Variants in CAMK1G observed in about 807,000 individuals in gnomAD.
CAMK1G encodes calcium/calmodulin-dependent protein kinase type 1G.
A neutral mutation model predicts 54.8 loss-of-function variants in CAMK1G; 27 were observed. That is an observed-to-expected ratio of 0.49 (90% CI 0.36 to 0.68). CAMK1G has a LOEUF of 0.68. CAMK1G is among the 30% of genes least tolerant of loss of function. CAMK1G has a pLI of 0.00. For synonymous variants in CAMK1G, 238 were observed against 224.9 expected (o/e 1.06, Z -0.52); for missense variants, 512 against 591.0 (o/e 0.87, Z 1.39).
At chr1:209,607,961 T>A in intron 7 of CAMK1G, 28 bp downstream of exon 7, 1 of 1,569,588 alleles carries the variant, frequency 6.4e-7, no homozygotes, top group Non-Finnish European at 8.7e-7. Flanking sequence ...TGGGTTCAGC[T>A]GATGAGAAGT....
At chr1:209,594,583 C>G (rs182244621) in intron 1 of CAMK1G, among the ~76,000 whole-genome samples, 48 of 152,252 alleles carry the variant, frequency 3.2e-4, no homozygotes, top group Middle Eastern at 6.8e-3. Flanking sequence ...AGAGAGGAAG[C>G]CTGGCTGACT....
chr1:209,593,099 C>A (rs1665297477), intron 1 of CAMK1G, among the ~76,000 whole-genome samples: 1 of 152,246 alleles, frequency 6.6e-6, no homozygotes, highest in African/African-American at 2.4e-5. Context: ...TTTGTCCCCA[C>A]TTTACAGATA....
intron 1 of CAMK1G, among the ~76,000 whole-genome samples, chr1:209,584,639 C>T (rs997812812): frequency 6.6e-6 from 1 of 152,184 alleles, no homozygotes; most frequent in African/African-American, 2.4e-5. Context: ...GCTGCCAGGG[C>T]TCACGCTGGT....
chr1:209,584,280 G>A (rs982795902), intron 1 of CAMK1G, among the ~76,000 whole-genome samples: 5 of 152,122 alleles, frequency 3.3e-5, no homozygotes, highest in African/African-American at 1.2e-4. Flanking sequence ...AGAACCAATG[G>A]CAAAAAGATT....
At chr1:209,608,902 G>A (rs1665713930) in intron 7 of CAMK1G, 78 bp from the exon 8 acceptor site, 2 of 1,587,306 alleles carry the variant, frequency 1.3e-6, no homozygotes, top group Non-Finnish European at 1.7e-6. Flanking sequence ...TATACAGTGG[G>A]AGCTTGGGGG....
At chr1:209,604,576 G>T (rs1277135675) in intron 4 of CAMK1G, among the ~76,000 whole-genome samples, 3 of 152,320 alleles carry the variant, frequency 2.0e-5, no homozygotes, top group Middle Eastern at 3.4e-3. Context: ...CTCATCACTA[G>T]TTGGGCATGG....
chr1:209,608,614 A>G (rs920877623), intron 7 of CAMK1G, among the ~76,000 whole-genome samples: 2 of 152,236 alleles, frequency 1.3e-5, no homozygotes, highest in African/African-American at 4.8e-5. Flanking sequence ...CGCAGTGAAC[A>G]ACACAGCCTA....
At chr1:209,594,834 C>CT in intron 1 of CAMK1G, 121 bp from the exon 2 acceptor site, 1 of 610,290 alleles carries the variant, frequency 1.6e-6, no homozygotes, top group Non-Finnish European at 2.8e-6. Flanking sequence ...AGGTTTGCTC[C>CT]TAATCCTTCC....
intron 3 of CAMK1G, among the ~76,000 whole-genome samples, 190 bp downstream of exon 3, chr1:209,600,301 T>G (rs1381918076): frequency 6.6e-6 from 1 of 151,856 alleles, no homozygotes; most frequent in Admixed American, 6.6e-5. Flanking sequence ...TTTTTTTTTT[T>G]GGCAACAAAT....
chr1:209,612,840 C>T lies in CAMK1G; in HGVS notation c.1396C>T (p.Arg466Trp), dbSNP rs759097752. Residue 466 changes from arginine (R) to tryptophan (W), a missense_variant, in exon 12 of 13, where the codon CGG becomes TGG. By Grantham distance (101) the Arg-to-Trp change is moderately radical. Around this residue, in one of 3 missense-constraint regions of CAMK1G, gnomAD observed 315 missense variants for 330.5 expected, o/e 0.95. Transcript: ENST00000361322. ...TAAAGCCAGTGGCAGCTCCCACTGCCGGGCAGGGCAGACTGGAGTCTGTCT... is the reference window on the plus strand; with the variant it reads ...TAAAGCCAGTGGCAGCTCCCACTGCTGGGCAGGGCAGACTGGAGTCTGTCT... ...PVKASGSSHCRAGQTGVCLIM is the reference protein window; with the variant it reads ...PVKASGSSHCWAGQTGVCLIM 14 of 1,613,702 alleles carry T rather than the reference C, an allele frequency of 8.7e-6. No individual in the cohort carries two copies. Among genetic ancestry groups the T allele is most frequent in the South Asian group, 2.2e-5 (2 of 91,066 alleles).
chr1:209,590,260 C>T (rs1233323236), intron 1 of CAMK1G, among the ~76,000 whole-genome samples: 1 of 152,114 alleles, frequency 6.6e-6, no homozygotes, highest in African/African-American at 2.4e-5. Context: ...AGGATGCAGC[C>T]ATGGAAGGAA....
At chr1:209,611,641 A>C (rs529943285) in intron 10 of CAMK1G, 89 bp downstream of exon 10, 26 of 1,481,076 alleles carry the variant, frequency 1.8e-5, no homozygotes, top group Admixed American at 3.6e-5. Context: ...TTTCCTTGGG[A>C]TGTCCCAGAA....
intron 1 of CAMK1G, among the ~76,000 whole-genome samples, chr1:209,591,583 T>A (rs183634901): frequency 6.6e-6 from 1 of 152,336 alleles, no homozygotes; most frequent in Admixed American, 6.5e-5. Flanking sequence ...TTAGCTGACC[T>A]TATGCCTTTC....
chr1:209,607,892 G>A lies in CAMK1G; in HGVS notation c.594G>A (p.Lys198=), dbSNP rs750386861. 6.2e-7 allele frequency: 1 copy of A among 1,613,728 alleles called. No individual in the cohort carries two copies. Among genetic ancestry groups the A allele is most frequent in the Non-Finnish European group, 8.5e-7 (1 of 1,179,806 alleles). ...PEVLAQKPYS[K]AVDCWSIGVI... ...TGCTGGCCCAGAAACCCTACAGCAA[G>A]GCTGTGGATTGCTGGTCCATCGGCG... Residue 198 remains lysine (K), a synonymous_variant, in exon 7 of 13, where the codon AAG becomes AAA. Coordinates refer to ENST00000361322, the MANE Select transcript of CAMK1G (RefSeq NM_020439.3).
chr1:209,589,181 C>A (rs1290981395), intron 1 of CAMK1G, among the ~76,000 whole-genome samples: 1 of 152,196 alleles, frequency 6.6e-6, no homozygotes, highest in Non-Finnish European at 1.5e-5. Context: ...GAAGAAAGGA[C>A]TGGCTCACCT....
At chr1:209,609,219 C>A (rs1665721918) in intron 8 of CAMK1G, 127 bp downstream of exon 8, 6 of 1,063,314 alleles carry the variant, frequency 5.6e-6, no homozygotes, top group Non-Finnish European at 6.8e-6. Flanking sequence ...AACAGGCTGC[C>A]AAGGAAAGTG....
rs150478886 is a variant in CAMK1G at position 209,607,702 on chromosome 1, GAC to G, written c.560-152_560-151del. ...AGGAAGATTTAGTCTTCCCAGAAGA[GAC>G]ACAGCCCCTACCCTTAGGGAGTTTT... is the stretch of plus-strand genomic sequence containing the variant. On this transcript the variant is annotated intron_variant, in intron 6 of 12. Coordinates refer to ENST00000361322, the MANE Select transcript of CAMK1G (RefSeq NM_020439.3). 3.0e-3 allele frequency: 1,859 copies of G among 619,784 alleles called. 19 individuals are homozygous for G. Among genetic ancestry groups the G allele is most frequent in the East Asian group, 0.019 (691 of 36,190 alleles). The allele number at this position is 619,784 out of a possible 1,614,324, so 38.4% of individuals were successfully genotyped here.
intron 2 of CAMK1G, among the ~76,000 whole-genome samples, chr1:209,596,497 T>C (rs1665385301): frequency 6.6e-6 from 1 of 152,152 alleles, no homozygotes; most frequent in South Asian, 2.1e-4. Context: ...TGGGAGAACA[T>C]CGGAGTCATC....
intron 3 of CAMK1G, among the ~76,000 whole-genome samples, chr1:209,601,751 C>T (rs868731016): frequency 7.2e-5 from 11 of 152,306 alleles, no homozygotes; most frequent in Non-Finnish European, 1.0e-4. Flanking sequence ...TCTAAAATAT[C>T]GTAAAGAAGA....
Sources: allele counts gnomAD v4.1 joint callset (sites outside exome capture counted in the v4.1 genomes callset), GRCh38; gene constraint gnomAD v4.1.1; regional missense constraint gnomAD v4.1.1; transcripts MANE v1.5; gene names NCBI Gene and HGNC (gene_info 2026-07-23, HGNC 2026-07-21).